The following RAPGEF2 variants were observed in gnomAD, a reference collection of about 807,000 sequenced individuals.
RAPGEF2 encodes the protein PDZ domain containing guanine nucleotide exchange factor (GEF) 1.
Under a neutral mutation model 186.7 loss-of-function variants are expected in RAPGEF2, and 54 were observed. The ratio of observed to expected loss-of-function variants is 0.29; its 90% confidence interval spans 0.23 to 0.36. RAPGEF2 has a LOEUF of 0.36. Ranked by LOEUF, RAPGEF2 falls within the 10% of genes least tolerant of loss-of-function variation. The pLI, the probability that RAPGEF2 is intolerant of heterozygous loss-of-function variation, is 1.00. For missense variants in RAPGEF2, 1,532 were observed against 2,045.0 expected (o/e 0.75, Z 4.84); for synonymous variants, 712 against 705.9 (o/e 1.01, Z -0.14).
At chr4:159,337,018 T>C (rs1362190114) in intron 17 of RAPGEF2, among the ~76,000 whole-genome samples, 1 of 152,226 alleles carries the variant, frequency 6.6e-6, no homozygotes, top group Non-Finnish European at 1.5e-5. Flanking sequence ...TTGGAAACAG[T>C]TGACCCTTCA....
chr4:159,143,171 A>G (rs1002340937), intron 1 of RAPGEF2, among the ~76,000 whole-genome samples: 1 of 152,096 alleles, frequency 6.6e-6, no homozygotes, highest in Non-Finnish European at 1.5e-5. Flanking sequence ...TCCAGGCTGT[A>G]TCATATGATG....
intron 4 of RAPGEF2, among the ~76,000 whole-genome samples, chr4:159,235,248 T>C (rs1482928713): frequency 1.3e-5 from 2 of 152,234 alleles, no homozygotes; most frequent in East Asian, 3.8e-4. Flanking sequence ...TCTTTCCTTG[T>C]GTGTCCATCA....
intron 7 of RAPGEF2, among the ~76,000 whole-genome samples, chr4:159,254,959 A>G (rs1755973632): frequency 6.6e-6 from 1 of 152,230 alleles, no homozygotes; most frequent in East Asian, 1.9e-4. Context: ...GTGAACGACC[A>G]CATACACAAC....
At chr4:159,243,749 G>C in intron 6 of RAPGEF2, 25 bp from the exon 7 acceptor site, 1 of 1,268,884 alleles carries the variant, frequency 7.9e-7, no homozygotes, top group Non-Finnish European at 1.0e-6. Flanking sequence ...CTCCTTTATG[G>C]CACTCATTTC....
At chr4:159,183,974 G>A (rs1747293157) in intron 1 of RAPGEF2, among the ~76,000 whole-genome samples, 1 of 152,162 alleles carries the variant, frequency 6.6e-6, no homozygotes, top group Non-Finnish European at 1.5e-5. Context: ...TCCCACCTGT[G>A]AGTGAGAACG....
At chr4:159,180,248 T>G (rs1166781971) in intron 1 of RAPGEF2, among the ~76,000 whole-genome samples, 1 of 152,220 alleles carries the variant, frequency 6.6e-6, no homozygotes. Context: ...TTCCTTTAAT[T>G]TGCATGTCTT....
chr4:159,274,952 C>T (rs1579715877), intron 7 of RAPGEF2, among the ~76,000 whole-genome samples: 1 of 152,188 alleles, frequency 6.6e-6, no homozygotes, highest in Non-Finnish European at 1.5e-5. Context: ...CAGAAACACC[C>T]ATGTCATAAA....
chr4:159,214,428 A>G (rs1024080949), intron 4 of RAPGEF2, among the ~76,000 whole-genome samples: 2 of 152,240 alleles, frequency 1.3e-5, no homozygotes, highest in Non-Finnish European at 2.9e-5. Flanking sequence ...TTGCAGATTT[A>G]GAAATGGTTT....
In RAPGEF2 at chr4:159,358,393, C is replaced by A. The variant is rs1732351506; in HGVS notation, c.*254C>A. The A allele has an allele frequency of 7.1e-6, 3 of 421,298 alleles. No homozygotes were observed. Among genetic ancestry groups the A allele is most frequent in the Middle Eastern group, 5.9e-4 (1 of 1,690 alleles). 26.1% of individuals were successfully genotyped at this position (421,298 alleles called of 1,614,324 possible). A position where few individuals can be genotyped will look rare whatever the true frequency, so the allele number is the denominator to read the frequency against. The stretch of plus-strand genomic sequence containing the variant: ...TGCACAGTGCAGCAATCTTCGAGCT[C>A]CCACTGTTGCTGCCTGCCACATCAC... On this transcript the variant is annotated 3_prime_UTR_variant, in exon 30 of 30. Transcript: ENST00000691494.
At chr4:159,145,195 G>A (rs1327667576) in intron 1 of RAPGEF2, among the ~76,000 whole-genome samples, 3 of 151,234 alleles carry the variant, frequency 2.0e-5, no homozygotes, top group East Asian at 3.9e-4. Flanking sequence ...TTTTTTTCCC[G>A]CTTTATTGTA....
chr4:159,195,885 T>G (rs1432565560), intron 3 of RAPGEF2, among the ~76,000 whole-genome samples: 1 of 142,644 alleles, frequency 7.0e-6, no homozygotes, highest in Non-Finnish European at 1.5e-5. Flanking sequence ...GTTTTTTTTT[T>G]TTTTTTTTTT....
intron 22 of RAPGEF2, 75 bp from the exon 23 acceptor site, chr4:159,343,961 T>G: frequency 6.8e-7 from 1 of 1,474,522 alleles, no homozygotes. Context: ...AGTCTAGTCC[T>G]TTCTTTCTGA....
intron 7 of RAPGEF2, among the ~76,000 whole-genome samples, chr4:159,303,043 A>G (rs1322370292): frequency 6.6e-6 from 1 of 152,196 alleles, no homozygotes; most frequent in Non-Finnish European, 1.5e-5. Context: ...TATCCAATAA[A>G]GTTATTATTT....
At chr4:159,182,386 CTTTTTTTTTTTTTTTTTT>C (rs575743979) in intron 1 of RAPGEF2, among the ~76,000 whole-genome samples, 3 of 85,690 alleles carry the variant, frequency 3.5e-5, no homozygotes, top group Non-Finnish European at 6.6e-5. Flanking sequence ...TTCTTTTCTT[CTTTTTTTTTTTTTTTTTT>C]TTTTTTTTTG....
chr4:159,225,362 G>A (rs190757112), intron 4 of RAPGEF2, among the ~76,000 whole-genome samples: 23 of 152,284 alleles, frequency 1.5e-4, no homozygotes, highest in African/African-American at 5.5e-4. Flanking sequence ...ACTGAATTTT[G>A]TAAATGAGGC....
intron 7 of RAPGEF2, among the ~76,000 whole-genome samples, chr4:159,287,870 G>A (rs1258714313): frequency 6.6e-6 from 1 of 152,140 alleles, no homozygotes; most frequent in Non-Finnish European, 1.5e-5. Context: ...GCTGTGAAAT[G>A]TGAAGATTAT....
chr4:159,115,710 C>G (rs1738972642), intron 1 of RAPGEF2, among the ~76,000 whole-genome samples: 1 of 152,162 alleles, frequency 6.6e-6, no homozygotes, highest in Non-Finnish European at 1.5e-5. Context: ...GTAACCAAAA[C>G]AGCATGGTAC....
chr4:159,318,865 G>GT (rs968936977), intron 9 of RAPGEF2, among the ~76,000 whole-genome samples: 39 of 152,090 alleles, frequency 2.6e-4, no homozygotes, highest in African/African-American at 7.9e-4. Flanking sequence ...AATTATTTGG[G>GT]TTTTTTTATA....
Position 159,255,105 on chromosome 4 carries a change from C to T in RAPGEF2, c.543+11314C>T, listed in dbSNP as rs114959598. On this transcript the variant is annotated intron_variant, in intron 7 of 29. Coordinates refer to ENST00000691494, the MANE Select transcript of RAPGEF2 (RefSeq NM_001394067.2). ...GTGACATGCTGTACAGATTTGTCACCTAGGAGCAATAGGCTATCCCAAAGA... is the reference window on the plus strand; with the variant it reads ...GTGACATGCTGTACAGATTTGTCACTTAGGAGCAATAGGCTATCCCAAAGA... 3.5e-3 allele frequency among the ~76,000 whole-genome samples: 538 copies of T among 152,246 alleles called. 4 individuals carry two copies. Among genetic ancestry groups the T allele is most frequent in the African/African-American group, 0.012 (513 of 41,532 alleles).
Sources: gnomAD v4.1 joint callset for allele counts (sites outside exome capture counted in the v4.1 genomes callset) on GRCh38, gnomAD v4.1.1 for gene constraint, MANE v1.5 for transcripts, NCBI Gene and HGNC (gene_info 2026-07-23, HGNC 2026-07-21) for gene names.